Variants in ITGAE observed in about 807,000 individuals in gnomAD.
ITGAE encodes integrin alpha-E.
A neutral mutation model predicts 136.5 loss-of-function variants in ITGAE; 99 were observed. That is an observed-to-expected ratio of 0.73 (90% CI 0.62 to 0.86). ITGAE has a LOEUF of 0.86. ITGAE is among the 40% of genes least tolerant of loss of function. ITGAE has a pLI of 0.00. For missense variants in ITGAE, 1,447 were observed against 1,515.3 expected (o/e 0.95, Z 0.75); for synonymous variants, 613 against 591.8 (o/e 1.04, Z -0.52).
chr17:3,725,968 G>C, intron 26 of ITGAE: 2 of 1,613,750 alleles, frequency 1.2e-6, no homozygotes, highest in Non-Finnish European at 8.5e-7. Context: ...ACTATCCCCA[G>C]CTGTGGGTTG....
chr17:3,769,438 G>A (rs981919229), intron 2 of ITGAE, among the ~76,000 whole-genome samples: 4 of 150,666 alleles, frequency 2.7e-5, no homozygotes, highest in African/African-American at 4.9e-5. Context: ...CATTCATGCC[G>A]CCATCATGCA....
Position 3,763,306 on chromosome 17 carries a change from GTTCATTCA to G in ITGAE, c.247+555_247+562del, listed in dbSNP as rs55992020. ...GGATAGAGTTTAATGAGTGAATCAG[GTTCATTCA>G]TTCATTCATTCATTCATTCATTCAA... On this transcript the variant is annotated intron_variant, in intron 3 of 30. Transcript: ENST00000263087. Among the ~76,000 whole-genome samples the G allele has an allele frequency of 1.0e-3, 156 of 150,644 alleles. 1 individual carries two copies. Among genetic ancestry groups the G allele is most frequent in the African/African-American group, 3.0e-3 (123 of 40,942 alleles).
In ITGAE at chr17:3,751,760, C is replaced by T. The variant is rs200416853; in HGVS notation, c.1783G>A (p.Val595Met). 5.8e-4 allele frequency: 936 copies of T among 1,614,104 alleles called. No individual in the cohort carries two copies. Among genetic ancestry groups the T allele is most frequent in the Non-Finnish European group, 7.3e-4 (856 of 1,179,980 alleles). The part of the protein sequence containing the change: ...GDLSQDKLTD[V>M]AIGAPLEGFG... The stretch of plus-strand genomic sequence containing the variant: ...CCTTCCAGGGGGGCCCCGATGGCCA[C>T]ATCTGTGAGCTTATCCTGACTGAGA... The change falls in exon 15 of 31, where the codon GTG (valine) becomes ATG (methionine). Residue 595 changes from valine to methionine, a missense_variant. Physicochemically the swap from Val to Met is conservative, Grantham distance 21. Around this residue, in one of 3 missense-constraint regions of ITGAE, gnomAD observed 1,031 missense variants for 1,011.4 expected, o/e 1.02. Transcript: ENST00000263087.
chr17:3,729,210 CCTT>C (rs1230791918), intron 24 of ITGAE, among the ~76,000 whole-genome samples: 2 of 152,200 alleles, frequency 1.3e-5, no homozygotes, highest in East Asian at 3.8e-4. Flanking sequence ...CCCACAGCTG[CCTT>C]CTTCCCTCCA....
At chr17:3,755,585 C>G (rs1336649508) in intron 11 of ITGAE, among the ~76,000 whole-genome samples, 1 of 152,212 alleles carries the variant, frequency 6.6e-6, no homozygotes, top group Non-Finnish European at 1.5e-5. Flanking sequence ...CTCCTGTCAT[C>G]AATATGGCCA....
At chr17:3,753,466 C>T (rs755077014) in intron 13 of ITGAE, 36 bp from the exon 14 acceptor site, 39 of 1,605,688 alleles carry the variant, frequency 2.4e-5, no homozygotes, top group Non-Finnish European at 3.1e-5. Context: ...ACCAGGAGCC[C>T]CGCTCCTGCA....
intron 1 of ITGAE, among the ~76,000 whole-genome samples, chr17:3,797,997 C>T (rs754176905): frequency 4.6e-5 from 7 of 152,190 alleles, no homozygotes; most frequent in Admixed American, 2.0e-4. Flanking sequence ...CAGGTCCCCA[C>T]GTTCCTCACC....
chr17:3,787,467 C>G (rs1276167788), intron 1 of ITGAE, among the ~76,000 whole-genome samples: 2 of 152,040 alleles, frequency 1.3e-5, no homozygotes, highest in Non-Finnish European at 2.9e-5. Flanking sequence ...CTATGTTGCC[C>G]AGGCTGATTT....
chr17:3,768,678 C>G (rs995693864), intron 2 of ITGAE, among the ~76,000 whole-genome samples: 2 of 152,206 alleles, frequency 1.3e-5, no homozygotes, highest in African/African-American at 4.8e-5. Context: ...AATGCTTTCT[C>G]TACCCAGCCG....
At chr17:3,760,141 T>C (rs370180091) in intron 7 of ITGAE, 31 bp downstream of exon 7, 19 of 1,256,612 alleles carry the variant, frequency 1.5e-5, no homozygotes, top group Non-Finnish European at 2.0e-5. Context: ...CAGCAATAGA[T>C]AAGTGTTAAC....
At chr17:3,758,682 C>T (rs980730706) in intron 8 of ITGAE, among the ~76,000 whole-genome samples, 2 of 151,206 alleles carry the variant, frequency 1.3e-5, no homozygotes, top group African/African-American at 2.4e-5. Context: ...GAACTCCTGA[C>T]CTCAGGTGAT....
intron 1 of ITGAE, among the ~76,000 whole-genome samples, chr17:3,796,484 T>C (rs936964447): frequency 6.6e-6 from 1 of 152,094 alleles, no homozygotes; most frequent in Non-Finnish European, 1.5e-5. Context: ...GACATGGGGC[T>C]GTGCAGATCA....
rs1452903272 is a variant in ITGAE, at chr17:3,734,932, C to A, written c.2540G>T (p.Gly847Val). 6.2e-7 allele frequency: 1 copy of A among 1,614,128 alleles called. No individual in the cohort carries two copies. Among genetic ancestry groups the A allele is most frequent in the Admixed American group, 1.7e-5 (1 of 60,010 alleles). The change falls in exon 21 of 31, where the codon GGT (glycine) becomes GTT (valine). Residue 847 changes from glycine to valine, a missense_variant. Physicochemically the swap from Gly to Val is moderately radical, Grantham distance 109 (BLOSUM62 -3). This residue lies in a region of ITGAE where 1,031 missense variants were observed against 1,011.4 expected (regional missense o/e 1.02). Coordinates refer to ENST00000263087, the MANE Select transcript of ITGAE (RefSeq NM_002208.5). ...GTTCAGGGTCAGCTCCTTTGTGAGA[C>A]CCACCACCAACTCCTGCCTGCACAG... ...TTVSQQELVV[G>V]LTKELTLNIN...
At chr17:3,729,581 G>C (rs1268234507) in intron 23 of ITGAE, 26 bp from the exon 24 acceptor site, 19 of 1,381,038 alleles carry the variant, frequency 1.4e-5, no homozygotes, top group South Asian at 4.7e-5. Flanking sequence ...TTAGTTCATA[G>C]CACACCTGCT....
intron 15 of ITGAE, among the ~76,000 whole-genome samples, chr17:3,750,983 G>A (rs1376557333): frequency 6.6e-6 from 1 of 151,812 alleles, no homozygotes. Flanking sequence ...ATAGAGAGAA[G>A]GGGCTGGAGT....
At chr17:3,729,178 C>T (rs193297382) in intron 24 of ITGAE, among the ~76,000 whole-genome samples, 2 of 152,276 alleles carry the variant, frequency 1.3e-5, no homozygotes, top group Admixed American at 6.5e-5. Context: ...TGGCCTTACT[C>T]ATCCCCTCCT....
intron 1 of ITGAE, among the ~76,000 whole-genome samples, chr17:3,790,070 G>A (rs1374144829): frequency 2.0e-5 from 3 of 152,126 alleles, no homozygotes; most frequent in Admixed American, 6.5e-5. Context: ...GGGCCTCTCA[G>A]GCATGTCCTT....
chr17:3,729,189 T>TA (rs1174906692), intron 24 of ITGAE, among the ~76,000 whole-genome samples: 1 of 152,204 alleles, frequency 6.6e-6, no homozygotes, highest in Non-Finnish European at 1.5e-5. Flanking sequence ...ATCCCCTCCT[T>TA]ACTTCCCAGT....
At position 3,757,232 on chromosome 17, in the gene ITGAE, T is replaced by G; in HGVS notation, c.1021-98A>C. ...TCCATCTGGCCTCTGGGGCCCTCCA[T>G]TACCTGTCTCCTTCCTTCCTTTCTC... is the stretch of plus-strand genomic sequence containing the variant. On this transcript the variant is annotated intron_variant, in intron 9 of 30. Coordinates refer to ENST00000263087, the MANE Select transcript of ITGAE (RefSeq NM_002208.5). 5.8e-6 allele frequency: 8 copies of G among 1,378,296 alleles called. No homozygotes were observed. The South Asian group carries it at 1.1e-4, about 18-fold the overall frequency. The allele number at this position is 1,378,296 out of a possible 1,614,324, so 85.4% of individuals were successfully genotyped here.
Sources: allele counts gnomAD v4.1 joint callset (sites outside exome capture counted in the v4.1 genomes callset), GRCh38; gene constraint gnomAD v4.1.1; regional missense constraint gnomAD v4.1.1; transcripts MANE v1.5; gene names NCBI Gene and HGNC (gene_info 2026-07-23, HGNC 2026-07-21).